The following HCN1 variants were observed in gnomAD, a reference collection of about 807,000 sequenced individuals.
HCN1 encodes potassium/sodium hyperpolarization-activated cyclic nucleotide-gated channel 1.
In HCN1, 13 loss-of-function variants were observed where a neutral mutation model predicts 78.9. The observed-to-expected ratio is 0.16, with a 90% CI of 0.11 to 0.26. The LOEUF (loss-of-function observed/expected upper bound fraction) is 0.26. Ranked by LOEUF, HCN1 falls within the 10% of genes least tolerant of loss-of-function variation. HCN1 has a pLI of 1.00. For synonymous variants in HCN1, 552 were observed against 455.5 expected (o/e 1.21, Z -2.70); for missense variants, 810 against 1,154.3 (o/e 0.70, Z 4.32).
intron 5 of HCN1, among the ~76,000 whole-genome samples, chr5:45,318,567 A>G (rs1434165156): frequency 6.6e-6 from 1 of 151,858 alleles, no homozygotes; most frequent in Non-Finnish European, 1.5e-5. Flanking sequence ...AATAAAAAGA[A>G]AAAATATTAT....
intron 2 of HCN1, among the ~76,000 whole-genome samples, chr5:45,565,977 T>G (rs1743699323): frequency 6.6e-6 from 1 of 152,194 alleles, no homozygotes; most frequent in African/African-American, 2.4e-5. Flanking sequence ...CAGAGTAACT[T>G]GAGATGGTGG....
intron 5 of HCN1, among the ~76,000 whole-genome samples, chr5:45,309,014 C>A (rs539962778): frequency 1.3e-5 from 2 of 152,124 alleles, no homozygotes; most frequent in South Asian, 4.2e-4. Context: ...AATGTTTTTC[C>A]ATTTGTTTGT....
intron 3 of HCN1, among the ~76,000 whole-genome samples, chr5:45,449,608 CTT>C (rs111337365): frequency 6.7e-6 from 1 of 149,114 alleles, no homozygotes; most frequent in South Asian, 2.1e-4. Flanking sequence ...ATTAATGTTT[CTT>C]TTTTTTTTCT....
At chr5:45,440,024 T>C (rs1740641026) in intron 3 of HCN1, among the ~76,000 whole-genome samples, 1 of 148,666 alleles carries the variant, frequency 6.7e-6, no homozygotes, top group African/African-American at 2.4e-5. Context: ...TATAGTATCA[T>C]ATAATGTAAT....
chr5:45,275,542 CTTT>C (rs1261001174), intron 6 of HCN1, among the ~76,000 whole-genome samples: 6 of 152,112 alleles, frequency 3.9e-5, no homozygotes, highest in Non-Finnish European at 8.8e-5. Flanking sequence ...CTTTCCTCTT[CTTT>C]ATCTGTGTCT....
At chr5:45,364,467 G>C (rs1463771329) in intron 4 of HCN1, among the ~76,000 whole-genome samples, 1 of 151,360 alleles carries the variant, frequency 6.6e-6, no homozygotes. Flanking sequence ...ACAAATCCCT[G>C]ATCTCGACTC....
At chr5:45,370,404 A>G (rs1684459704) in intron 4 of HCN1, among the ~76,000 whole-genome samples, 1 of 152,066 alleles carries the variant, frequency 6.6e-6, no homozygotes, top group Non-Finnish European at 1.5e-5. Context: ...TTAGTGGGTC[A>G]GAAACATTGG....
At chr5:45,494,537 C>T (rs1220682883) in intron 2 of HCN1, among the ~76,000 whole-genome samples, 2 of 151,676 alleles carry the variant, frequency 1.3e-5, no homozygotes, top group African/African-American at 4.9e-5. Flanking sequence ...AAATTTTCTC[C>T]CATTTTGTGG....
chr5:45,603,158 C>A (rs904953107), intron 2 of HCN1, among the ~76,000 whole-genome samples: 3 of 152,004 alleles, frequency 2.0e-5, no homozygotes, highest in Non-Finnish European at 4.4e-5. Flanking sequence ...TAGGTGATAA[C>A]CCAAGTGTAC....
At chr5:45,403,119 C>A (rs1411034325) in intron 3 of HCN1, among the ~76,000 whole-genome samples, 3 of 152,126 alleles carry the variant, frequency 2.0e-5, no homozygotes, top group Admixed American at 1.3e-4. Flanking sequence ...TGTTACTCTA[C>A]AAGGCCAATA....
In HCN1 at chr5:45,429,493, G is replaced by C. The variant is rs915235418; in HGVS notation, c.1011+32353C>G. Reference sequence around the variant, plus strand: ...GAGGGAGAGCTCATCTCTTTTGAGAGGGGTGAATGTGAGGACACGAGTTGC... The same window carrying C: ...GAGGGAGAGCTCATCTCTTTTGAGACGGGTGAATGTGAGGACACGAGTTGC... On this transcript the variant is annotated intron_variant, in intron 3 of 7. Coordinates refer to ENST00000303230, the MANE Select transcript of HCN1 (RefSeq NM_021072.4). 5.3e-5 allele frequency among the ~76,000 whole-genome samples: 8 copies of C among 152,220 alleles called. 1 individual carries two copies. Among genetic ancestry groups the C allele is most frequent in the African/African-American group, 1.9e-4 (8 of 41,532 alleles).
At chr5:45,563,025 T>C (rs1402404535) in intron 2 of HCN1, among the ~76,000 whole-genome samples, 1 of 152,206 alleles carries the variant, frequency 6.6e-6, no homozygotes, top group African/African-American at 2.4e-5. Flanking sequence ...AACAAATTCA[T>C]ATAAACAAAT....
chr5:45,498,739 G>T (rs553475478), intron 2 of HCN1, among the ~76,000 whole-genome samples: 1 of 152,196 alleles, frequency 6.6e-6, no homozygotes, highest in Non-Finnish European at 1.5e-5. Flanking sequence ...CTTTGATGAT[G>T]GTGATGTACA....
At chr5:45,518,624 A>C (rs1455240265) in intron 2 of HCN1, among the ~76,000 whole-genome samples, 1 of 152,058 alleles carries the variant, frequency 6.6e-6, no homozygotes, top group Non-Finnish European at 1.5e-5. Flanking sequence ...TTTGATGGAC[A>C]ATCCCTTCAG....
At chr5:45,304,683 T>TA (rs929514364) in intron 5 of HCN1, among the ~76,000 whole-genome samples, 30 of 152,032 alleles carry the variant, frequency 2.0e-4, no homozygotes, top group South Asian at 1.5e-3. Flanking sequence ...TCAAAAAGAT[T>TA]AAAAAAATAA....
intron 2 of HCN1, among the ~76,000 whole-genome samples, chr5:45,494,547 G>T (rs1442694003): frequency 6.6e-6 from 1 of 151,758 alleles, no homozygotes; most frequent in African/African-American, 2.4e-5. Context: ...CCATTTTGTG[G>T]GTTGCCTGTT....
At chr5:45,266,396 T>C (rs1461022594) in intron 7 of HCN1, among the ~76,000 whole-genome samples, 1 of 152,072 alleles carries the variant, frequency 6.6e-6, no homozygotes, top group Non-Finnish European at 1.5e-5. Flanking sequence ...AAAGATAAAA[T>C]GTAAAGTTGA....
At chr5:45,643,529 T>C (rs1264588955) in intron 2 of HCN1, 4 of 152,176 alleles carry the variant, frequency 2.6e-5, no homozygotes, top group Non-Finnish European at 5.9e-5. Flanking sequence ...TTAAGATATT[T>C]ATAACTAAAA....
chr5:45,506,776 T>C (rs1372191414), intron 2 of HCN1, among the ~76,000 whole-genome samples: 2 of 152,168 alleles, frequency 1.3e-5, no homozygotes, highest in African/African-American at 2.4e-5. Flanking sequence ...AATCATTTGT[T>C]ATTCTTTTTA....
Sources: allele counts gnomAD v4.1 joint callset (sites outside exome capture counted in the v4.1 genomes callset), GRCh38; gene constraint gnomAD v4.1.1; transcripts MANE v1.5; gene names NCBI Gene and HGNC (gene_info 2026-07-23, HGNC 2026-07-21).